WNK2: variants seen among roughly 807,000 people sequenced by gnomAD.
WNK2 encodes WNK lysine deficient protein kinase 2, also known as serine/threonine-protein kinase WNK2.
WNK2 carries 67 observed loss-of-function variants against 192.1 expected under a neutral mutation model. The ratio of observed to expected loss-of-function variants is 0.35; its 90% confidence interval spans 0.29 to 0.43. The LOEUF is 0.43. Among genes scored for constraint, WNK2 ranks in the 20% least tolerant of loss-of-function variants. The pLI, the probability that WNK2 is intolerant of heterozygous loss-of-function variation, is 1.00. For missense variants in WNK2, 2,698 were observed against 3,089.7 expected (o/e 0.87, Z 3.01); for synonymous variants, 1,439 against 1,393.9 (o/e 1.03, Z -0.72).
chr9:93,235,268 C>T (rs1428570529), intron 5 of WNK2, among the ~76,000 whole-genome samples: 1 of 152,192 alleles, frequency 6.6e-6, no homozygotes, highest in Admixed American at 6.5e-5. Flanking sequence ...GACTGAGGCT[C>T]AGAGAGGCTG....
In WNK2 at chr9:93,229,589, G is replaced by A. The variant is rs1297216042; in HGVS notation, c.682-107G>A. 2 of 1,285,542 alleles carry A rather than the reference G, an allele frequency of 1.6e-6. No individual in the cohort carries two copies. Among genetic ancestry groups the A allele is most frequent in the Non-Finnish European group, 2.1e-6 (2 of 941,782 alleles). The allele number at this position is 1,285,542 out of a possible 1,614,324, so 79.6% of individuals were successfully genotyped here. A position where few individuals can be genotyped will look rare whatever the true frequency, so the allele number is the denominator to read the frequency against. On this transcript the variant is annotated intron_variant, in intron 2 of 29. Transcript: ENST00000427277. This position sits in a 1 kb window ranked among gnomAD's most constrained non-coding sequence, Gnocchi z 4.9. ...ATCATAGCCGCTTAGCTGCCTGTGG[G>A]TATGGGAAGGGCTGGTCCTACTGTG...
intron 2 of WNK2, 21 bp downstream of exon 2, chr9:93,185,631 A>AG (rs751500015): frequency 1.2e-4 from 188 of 1,598,558 alleles, no homozygotes; most frequent in Non-Finnish European, 1.5e-4. Context: ...CCCAGCCCGC[A>AG]GGGGGCTTTC....
intron 19 of WNK2, among the ~76,000 whole-genome samples, chr9:93,276,354 A>C (rs1846875100): frequency 6.6e-6 from 1 of 152,260 alleles, no homozygotes; most frequent in Non-Finnish European, 1.5e-5. Context: ...TAATCTTTTC[A>C]ATAGATGTTG....
At chr9:93,308,827 G>T (rs1206784196) in intron 28 of WNK2, 28 of 1,397,174 alleles carry the variant, frequency 2.0e-5, no homozygotes, top group Non-Finnish European at 2.3e-5. Context: ...CCAGGCCAGG[G>T]CTGTGACTCC....
chr9:93,199,387 C>T (rs889574425), intron 2 of WNK2, among the ~76,000 whole-genome samples: 2 of 152,214 alleles, frequency 1.3e-5, no homozygotes, highest in Non-Finnish European at 2.9e-5. Context: ...TACCTTCCTC[C>T]ACCTGCTGGC....
intron 23 of WNK2, among the ~76,000 whole-genome samples, chr9:93,294,143 T>C (rs1439987854): frequency 1.3e-5 from 2 of 152,218 alleles, no homozygotes; most frequent in Non-Finnish European, 2.9e-5. Flanking sequence ...CACAGGCTTA[T>C]GTGGGAAGAG....
At chr9:93,292,184 C>A in intron 21 of WNK2, 124 bp from the exon 22 acceptor site, 2 of 962,588 alleles carry the variant, frequency 2.1e-6, no homozygotes, top group Non-Finnish European at 3.3e-6. Flanking sequence ...GTACCCACTT[C>A]CATTGTCCTG....
chr9:93,291,586 T>G (rs1317698), intron 21 of WNK2, among the ~76,000 whole-genome samples: 58,561 of 151,998 alleles, frequency 0.39, 13,364 homozygotes, highest in Admixed American at 0.51. Flanking sequence ...GATTTGGGTG[T>G]TGTTCCCTTG....
intron 18 of WNK2, among the ~76,000 whole-genome samples, chr9:93,268,290 C>G (rs1374059962): frequency 6.6e-6 from 1 of 152,152 alleles, no homozygotes; most frequent in Non-Finnish European, 1.5e-5. Flanking sequence ...CAAGCCTACG[C>G]GAGGGGTCCT....
At chr9:93,251,476 A>G (rs1842599258) in intron 8 of WNK2, among the ~76,000 whole-genome samples, 1 of 152,098 alleles carries the variant, frequency 6.6e-6, no homozygotes, top group Admixed American at 6.5e-5. Context: ...TTGGGAGTCA[A>G]AGGTGCGTGG....
At chr9:93,211,024 C>A (rs1347430098) in intron 2 of WNK2, among the ~76,000 whole-genome samples, 1 of 146,992 alleles carries the variant, frequency 6.8e-6, no homozygotes, top group Non-Finnish European at 1.5e-5. Context: ...CTCATTCACT[C>A]ACTATACATT....
chr9:93,225,078 A>G (rs960496327), intron 2 of WNK2, among the ~76,000 whole-genome samples: 1 of 152,136 alleles, frequency 6.6e-6, no homozygotes, highest in Non-Finnish European at 1.5e-5. Flanking sequence ...GGCAGGGCTC[A>G]GAGGGGGACA....
rs1843453841 is a variant in WNK2 at position 93,257,198 on chromosome 9, G to A, written c.2382+59G>A. ...GCGCACGCTTTGCCAGGCCCTGGCTGGTGCACTAGGACACCCACAGAGGGG... is the reference window on the plus strand; with the variant it reads ...GCGCACGCTTTGCCAGGCCCTGGCTAGTGCACTAGGACACCCACAGAGGGG... On this transcript the variant is annotated intron_variant, in intron 11 of 29. Coordinates refer to ENST00000427277, the MANE Select transcript of WNK2 (RefSeq NM_006648.4). The surrounding 1 kb of genome is among the most constrained non-coding windows in gnomAD (Gnocchi z 4.7). The A allele has an allele frequency of 1.0e-5, 16 of 1,536,524 alleles. No individual in the cohort carries two copies. Among genetic ancestry groups the A allele is most frequent in the Non-Finnish European group, 1.1e-5 (12 of 1,140,318 alleles).
intron 29 of WNK2, 142 bp downstream of exon 29, chr9:93,317,773 C>G (rs972097784): frequency 6.8e-7 from 1 of 1,465,730 alleles, no homozygotes; most frequent in Non-Finnish European, 9.2e-7. Flanking sequence ...TGGAACACCC[C>G]CCAGGTGCCC....
rs1004903669 is a variant in WNK2, at chr9:93,229,528, T to A, written c.682-168T>A. Among the ~76,000 whole-genome samples the A allele has an allele frequency of 1.3e-5, 2 of 151,740 alleles. No individual in the cohort carries two copies. Among genetic ancestry groups the A allele is most frequent in the Non-Finnish European group, 2.9e-5 (2 of 67,930 alleles). On this transcript the variant is annotated intron_variant, in intron 2 of 29. Transcript: ENST00000427277. This position sits in a 1 kb window ranked among gnomAD's most constrained non-coding sequence, Gnocchi z 4.9. Reference sequence around the variant, plus strand: ...GTCCAGGGTTGTGGGGACTAAGGAGTCAGCAGTTGTGGTGCCAGTGTCTGC... The same window carrying A: ...GTCCAGGGTTGTGGGGACTAAGGAGACAGCAGTTGTGGTGCCAGTGTCTGC...
At chr9:93,202,455 C>T (rs1455771101) in intron 2 of WNK2, among the ~76,000 whole-genome samples, 2 of 151,932 alleles carry the variant, frequency 1.3e-5, no homozygotes, top group African/African-American at 2.4e-5. Context: ...TTGACCTCAC[C>T]GAGGGGCCAC....
intron 16 of WNK2, among the ~76,000 whole-genome samples, chr9:93,266,569 A>T (rs1162134776): frequency 6.6e-6 from 1 of 152,248 alleles, no homozygotes; most frequent in Non-Finnish European, 1.5e-5. Context: ...CTCCAGTCAC[A>T]GCTGGCTGGA....
Position 93,268,176 on chromosome 9 carries a change from G to A in WNK2, c.3913+111G>A, listed in dbSNP as rs1845464638. 25 of 1,449,070 alleles carry A rather than the reference G, an allele frequency of 1.7e-5. No individual in the cohort carries two copies. The Admixed American group carries it at 5.0e-4, about 29-fold the overall frequency. The allele number at this position is 1,449,070 out of a possible 1,614,324, so 89.8% of individuals were successfully genotyped here. A position where few individuals can be genotyped will look rare whatever the true frequency, so the allele number is the denominator to read the frequency against. ...CTTGGGGGGATTATGGAAGCATGTG[G>A]TGACCAGGGGCCCCAGTCTGGGGAC... On this transcript the variant is annotated intron_variant, in intron 18 of 29. Coordinates refer to ENST00000427277, the MANE Select transcript of WNK2 (RefSeq NM_006648.4).
At chr9:93,212,500 T>A (rs116438710) in intron 2 of WNK2, among the ~76,000 whole-genome samples, 2,538 of 152,330 alleles carry the variant, frequency 0.017, 61 homozygotes, top group African/African-American at 0.058. Flanking sequence ...ATGTTGTTTC[T>A]GCCAGGCCCT....
Sources: gnomAD v4.1 joint callset for allele counts (sites outside exome capture counted in the v4.1 genomes callset) on GRCh38, gnomAD v4.1.1 for gene constraint, Gnocchi (gnomAD v3.1) non-coding constraint, MANE v1.5 for transcripts, NCBI Gene and HGNC (gene_info 2026-07-23, HGNC 2026-07-21) for gene names.